NUP85: variants seen among roughly 807,000 people sequenced by gnomAD.
NUP85 encodes the protein nucleoporin 85.
Under a neutral mutation model 92.8 loss-of-function variants are expected in NUP85, and 23 were observed. The observed-to-expected ratio is 0.25, with a 90% CI of 0.18 to 0.35. The LOEUF is 0.35. Ranked by LOEUF, NUP85 falls within the 10% of genes least tolerant of loss-of-function variation. NUP85 has a pLI of 1.00. For missense variants in NUP85, 759 were observed against 822.8 expected (o/e 0.92, Z 0.95); for synonymous variants, 314 against 306.9 (o/e 1.02, Z -0.24).
chr17:75,228,298 C>T, intron 11 of NUP85: 1 of 985,350 alleles, frequency 1.0e-6, no homozygotes, highest in Non-Finnish European at 1.2e-6. Context: ...CACTCTCGTG[C>T]CGGACACAGA....
Position 75,209,954 on chromosome 17 carries a change from G to A in NUP85, c.259G>A (p.Glu87Lys), listed in dbSNP as rs1598264463. 4.4e-6 allele frequency: 7 copies of A among 1,586,624 alleles called. No homozygotes were observed. In the East Asian group the frequency reaches 9.2e-5, roughly 21 times the overall value. The change falls in exon 3 of 19, where the codon GAA (glutamate) becomes AAA (lysine). Residue 87 changes from glutamate to lysine, a missense_variant. Coordinates refer to ENST00000245544, the MANE Select transcript of NUP85 (RefSeq NM_024844.5). ...GIFLGLQRID[E>K]ELTGKSRKSQ... Reference sequence around the variant, plus strand: ...CTTTCTGGGCCTCCAGAGAATTGACGAAGAGTTGACTGGAAAATCCAGAAA... The same window carrying A: ...CTTTCTGGGCCTCCAGAGAATTGACAAAGAGTTGACTGGAAAATCCAGAAA...
chr17:75,233,429 TA>T (rs751660542), intron 16 of NUP85, among the ~76,000 whole-genome samples: 414 of 39,548 alleles, frequency 0.01, 4 homozygotes, highest in South Asian at 0.051. Flanking sequence ...TCTTTTCTTT[TA>T]TTTTTTCTTT....
intron 7 of NUP85, among the ~76,000 whole-genome samples, chr17:75,220,878 ATT>A (rs71159457): frequency 6.2e-5 from 6 of 97,556 alleles, no homozygotes; most frequent in Non-Finnish European, 5.7e-5. Flanking sequence ...CACCATCCCA[ATT>A]TTTTTTTTTT....
intron 11 of NUP85, among the ~76,000 whole-genome samples, chr17:75,230,045 T>A (rs1050957844): frequency 3.4e-4 from 6 of 17,400 alleles, no homozygotes; most frequent in African/African-American, 5.0e-4. Context: ...GTGTACAAAA[T>A]TTTTTTTTTT....
At position 75,225,037 on chromosome 17, in the gene NUP85, G is replaced by A. The variant is rs896518554; in HGVS notation, c.598-66G>A. 8.8e-6 allele frequency: 13 copies of A among 1,480,610 alleles called. No homozygotes were observed. In the Admixed American group the frequency reaches 3.0e-4, roughly 34 times the overall value. 91.7% of individuals were successfully genotyped at this position (1,480,610 alleles called of 1,614,324 possible). A position where few individuals can be genotyped will look rare whatever the true frequency, so the allele number is the denominator to read the frequency against. Reference sequence around the variant, plus strand: ...AGCCAAAGTGTGGGGTGAGGGGACTGGCCTCCTCACGCCTCGGCAGGGCCA... The same window carrying A: ...AGCCAAAGTGTGGGGTGAGGGGACTAGCCTCCTCACGCCTCGGCAGGGCCA... On this transcript the variant is annotated intron_variant, in intron 7 of 18. Transcript: ENST00000245544.
At chr17:75,230,552 G>A (rs1009276040) in intron 11 of NUP85, among the ~76,000 whole-genome samples, 2 of 151,960 alleles carry the variant, frequency 1.3e-5, no homozygotes, top group African/African-American at 4.8e-5. Flanking sequence ...GTAGAGATGG[G>A]GTTTCACCGT....
chr17:75,212,247 GTTTTTTTTTTTTTTTTTTT>G (rs1219393857), intron 4 of NUP85, among the ~76,000 whole-genome samples, 185 bp downstream of exon 4: 2 of 3,670 alleles, frequency 5.4e-4, no homozygotes, highest in African/African-American at 6.9e-4. Flanking sequence ...TTTTGTTGTT[GTTTTTTTTTTTTTTTTTTT>G]TTTTTTTTTT....
At chr17:75,230,659 A>G (rs966078556) in intron 11 of NUP85, among the ~76,000 whole-genome samples, 3 of 152,096 alleles carry the variant, frequency 2.0e-5, no homozygotes, top group African/African-American at 7.2e-5. Context: ...GCGCCCGGCC[A>G]ACAACATGTT....
chr17:75,220,249 T>C (rs1371353145), intron 7 of NUP85, among the ~76,000 whole-genome samples: 1 of 151,280 alleles, frequency 6.6e-6, no homozygotes. Context: ...CTCAGCCTCC[T>C]GAGTAGCTGG....
chr17:75,211,949 A>T, intron 3 of NUP85, 43 bp from the exon 4 acceptor site: 1 of 1,479,508 alleles, frequency 6.8e-7, no homozygotes, highest in Non-Finnish European at 9.4e-7. Context: ...TGGCACTACA[A>T]GATGTTCCAG....
intron 14 of NUP85, chr17:75,232,236 T>G: frequency 2.1e-6 from 1 of 473,372 alleles, no homozygotes; most frequent in Non-Finnish European, 3.9e-6. Context: ...CTCACACACT[T>G]GATTCCACGA....
chr17:75,221,141 A>C (rs1459653829), intron 7 of NUP85, among the ~76,000 whole-genome samples: 1 of 151,952 alleles, frequency 6.6e-6, no homozygotes, highest in African/African-American at 2.4e-5. Flanking sequence ...TGGCCTCCCA[A>C]AGTGGTGGGT....
intron 18 of NUP85, 118 bp downstream of exon 18, chr17:75,235,319 C>T: frequency 4.3e-6 from 3 of 697,260 alleles, no homozygotes; most frequent in Non-Finnish European, 4.8e-6. Context: ...GCCTCTGTTC[C>T]CCTTAACCTG....
chr17:75,234,865 T>C (rs530782747), intron 17 of NUP85, 77 bp downstream of exon 17: 54 of 1,555,268 alleles, frequency 3.5e-5, no homozygotes, highest in Admixed American at 1.5e-4. Context: ...GTTGCCGATG[T>C]GCGTGTTTCC....
intron 2 of NUP85, among the ~76,000 whole-genome samples, chr17:75,209,355 G>A (rs1291401510): frequency 6.6e-6 from 1 of 152,074 alleles, no homozygotes; most frequent in Non-Finnish European, 1.5e-5. Context: ...CTATTGGATA[G>A]GATGTGAATC....
chr17:75,234,330 G>A (rs747410943), intron 16 of NUP85, among the ~76,000 whole-genome samples: 3 of 152,154 alleles, frequency 2.0e-5, no homozygotes, highest in Non-Finnish European at 4.4e-5. Flanking sequence ...GGGGTTACAG[G>A]CATAGGCATG....
At chr17:75,235,419 C>T in intron 18 of NUP85, 159 bp from the exon 19 acceptor site, 1 of 618,154 alleles carries the variant, frequency 1.6e-6, no homozygotes, top group East Asian at 2.8e-5. Context: ...TCATCATTTC[C>T]AGTATGGCCC....
rs1013012890 is a variant in NUP85, at chr17:75,209,767, C to T, written c.128-56C>T. 35 of 1,447,138 alleles carry T rather than the reference C, an allele frequency of 2.4e-5. No homozygotes were observed. The Admixed American group carries it at 2.7e-4, about 11-fold the overall frequency. The allele number at this position is 1,447,138 out of a possible 1,614,324, so 89.6% of individuals were successfully genotyped here. Reference sequence around the variant, plus strand: ...ACAGAAAATTTTTTTAGAGTAGATTCACTTTTGGAGATGATCATAATAGAT... The same window carrying T: ...ACAGAAAATTTTTTTAGAGTAGATTTACTTTTGGAGATGATCATAATAGAT... On this transcript the variant is annotated intron_variant, in intron 2 of 18. Transcript: ENST00000245544.
At position 75,225,123 on chromosome 17, in the gene NUP85, G is replaced by A. The variant is rs1249657414; in HGVS notation, c.618G>A (p.Gln206=). 8.9e-6 allele frequency: 14 copies of A among 1,576,240 alleles called. No homozygotes were observed. Among genetic ancestry groups the A allele is most frequent in the Non-Finnish European group, 1.2e-5 (14 of 1,158,710 alleles). ...CCCAGGTGACCATCTTGGTGCTGCA[G>A]GGCCGGCTGGATGAGGCCCGACAGA... ...FWNLVTILVL[Q]GRLDEARQML... is the part of the protein sequence containing the mutation. Residue 206 remains glutamine (Q), a synonymous_variant, in exon 8 of 19, where the codon CAG becomes CAA. Transcript: ENST00000245544.
Sources: allele counts gnomAD v4.1 joint callset (sites outside exome capture counted in the v4.1 genomes callset), GRCh38; gene constraint gnomAD v4.1.1; transcripts MANE v1.5; gene names NCBI Gene and HGNC (gene_info 2026-07-23, HGNC 2026-07-21).